The following GLIS3 variants were observed in gnomAD, a reference collection of about 807,000 sequenced individuals.
GLIS3 encodes zinc finger protein GLIS3.
Under a neutral mutation model 78.6 loss-of-function variants are expected in GLIS3, and 53 were observed. The ratio of observed to expected loss-of-function variants is 0.67; its 90% CI spans 0.54 to 0.85. The LOEUF (loss-of-function observed/expected upper bound fraction) is 0.85. GLIS3 is among the 40% of genes least tolerant of loss of function. The pLI, the probability that GLIS3 is intolerant of heterozygous loss-of-function variation, is 0.00. For missense variants in GLIS3, 1,703 were observed against 1,231.1 expected (o/e 1.38, Z -5.74); for synonymous variants, 684 against 509.9 (o/e 1.34, Z -4.60).
At chr9:4,226,249 C>T (rs1236127749) in intron 2 of GLIS3, among the ~76,000 whole-genome samples, 2 of 152,102 alleles carry the variant, frequency 1.3e-5, no homozygotes, top group African/African-American at 4.8e-5. Flanking sequence ...TGACCTCTTG[C>T]TTGGTTAATT....
intron 4 of GLIS3, among the ~76,000 whole-genome samples, chr9:4,005,844 A>C (rs1039515652): frequency 6.6e-6 from 1 of 152,214 alleles, no homozygotes; most frequent in Admixed American, 6.5e-5. Flanking sequence ...AGAATGAAAA[A>C]ACATTTGTTA....
chr9:3,850,022 AT>A (rs1193524869), intron 9 of GLIS3, among the ~76,000 whole-genome samples: 1 of 152,234 alleles, frequency 6.6e-6, no homozygotes, highest in Non-Finnish European at 1.5e-5. Flanking sequence ...CTCTGCACAA[AT>A]GTGTATTAAA....
the GLIS3 span, among the ~76,000 whole-genome samples, chr9:4,486,782 T>C: frequency 1.3e-5 from 2 of 152,164 alleles, no homozygotes; most frequent in Non-Finnish European, 2.9e-5. Flanking sequence ...CTCAAACTCC[T>C]GGGCTCAAGC....
At position 4,200,270 on chromosome 9, in the gene GLIS3, C is replaced by A. The variant is rs770983818; in HGVS notation, c.389-74329G>T. The stretch of plus-strand genomic sequence containing the variant: ...CTAGAGAAACAAGAACAAACTAACT[C>A]CAGAGCTAGCAGAAGAAAATAAATA... On this transcript the variant is annotated intron_variant, in intron 2 of 10. Transcript: ENST00000381971. Among the ~76,000 whole-genome samples the A allele has an allele frequency of 5.9e-5, 9 of 151,898 alleles. 1 individual carries two copies. Among genetic ancestry groups the A allele is most frequent in the Non-Finnish European group, 2.9e-5 (2 of 67,984 alleles).
intron 2 of GLIS3, among the ~76,000 whole-genome samples, chr9:4,277,829 G>A (rs552806596): frequency 6.6e-6 from 1 of 152,196 alleles, no homozygotes; most frequent in Non-Finnish European, 1.5e-5. Flanking sequence ...TGTGAAAAAT[G>A]CATTTCTACG....
chr9:4,036,473 G>A (rs973775639), intron 4 of GLIS3, among the ~76,000 whole-genome samples: 4 of 152,132 alleles, frequency 2.6e-5, no homozygotes, highest in Non-Finnish European at 4.4e-5. Flanking sequence ...CAAGACTCCT[G>A]TTGTGAAAGA....
At chr9:4,253,312 G>C (rs984254902) in intron 2 of GLIS3, among the ~76,000 whole-genome samples, 5 of 152,248 alleles carry the variant, frequency 3.3e-5, no homozygotes, top group East Asian at 3.8e-4. Flanking sequence ...TACCCAGAGA[G>C]GGGGAATCTA....
chr9:3,847,165 C>T (rs1000343591), intron 9 of GLIS3, among the ~76,000 whole-genome samples: 13 of 152,030 alleles, frequency 8.6e-5, no homozygotes, highest in Admixed American at 2.6e-4. Context: ...GCCTGGGCGA[C>T]AGAATGAGAC....
At chr9:4,336,778 G>C (rs1328544071) in intron 2 of GLIS3, among the ~76,000 whole-genome samples, 1 of 152,098 alleles carries the variant, frequency 6.6e-6, no homozygotes, top group Non-Finnish European at 1.5e-5. Context: ...CCTTTAGTTG[G>C]CAAGTTTTTA....
intron 4 of GLIS3, among the ~76,000 whole-genome samples, chr9:4,082,783 C>T (rs554772084): frequency 6.6e-6 from 1 of 152,310 alleles, no homozygotes; most frequent in Admixed American, 6.5e-5. Context: ...TCTGGAAACA[C>T]AATTTTGTCA....
intron 4 of GLIS3, among the ~76,000 whole-genome samples, chr9:4,024,075 G>C (rs1270225206): frequency 2.0e-5 from 3 of 151,902 alleles, no homozygotes; most frequent in Non-Finnish European, 4.4e-5. Flanking sequence ...CAGGTGGTTT[G>C]AGAGGCAGAG....
chr9:3,893,695 A>G (rs1160261228), intron 7 of GLIS3, among the ~76,000 whole-genome samples: 1 of 152,218 alleles, frequency 6.6e-6, no homozygotes, highest in Non-Finnish European at 1.5e-5. Context: ...AAAACATTTG[A>G]CCAGCAGCAG....
At chr9:4,221,007 G>T (rs970182419) in intron 2 of GLIS3, among the ~76,000 whole-genome samples, 6 of 152,038 alleles carry the variant, frequency 3.9e-5, no homozygotes, top group Non-Finnish European at 7.4e-5. Context: ...TAATTAATAA[G>T]TGTTTCTCTG....
In GLIS3 at chr9:4,215,934, A is replaced by C. The variant is rs978426606; in HGVS notation, c.388+70104T>G. On this transcript the variant is annotated intron_variant, in intron 2 of 10. Coordinates refer to ENST00000381971, the MANE Select transcript of GLIS3 (RefSeq NM_001042413.2). ...GACATTTAAGAATTTAAAACTAAAAAAGCTGATTCTAATGAAATTATTAAT... is the reference window on the plus strand; with the variant it reads ...GACATTTAAGAATTTAAAACTAAAACAGCTGATTCTAATGAAATTATTAAT... Among the ~76,000 whole-genome samples, 48 of 152,160 alleles carry C rather than the reference A, an allele frequency of 3.2e-4. 1 individual carries two copies. Among genetic ancestry groups the C allele is most frequent in the Non-Finnish European group, 2.2e-4 (15 of 68,034 alleles).
intron 4 of GLIS3, among the ~76,000 whole-genome samples, chr9:4,088,623 T>C (rs980902846): frequency 2.0e-5 from 3 of 152,240 alleles, no homozygotes; most frequent in African/African-American, 7.2e-5. Flanking sequence ...CTTCAATAAA[T>C]ATTTACTGAG....
chr9:4,209,173 C>T (rs1820154912), intron 2 of GLIS3, among the ~76,000 whole-genome samples: 1 of 152,066 alleles, frequency 6.6e-6, no homozygotes, highest in African/African-American at 2.4e-5. Flanking sequence ...CTGATCTAAC[C>T]CAACCCCCTC....
At chr9:4,103,379 G>C (rs1449202263) in intron 4 of GLIS3, among the ~76,000 whole-genome samples, 1 of 152,022 alleles carries the variant, frequency 6.6e-6, no homozygotes, top group Non-Finnish European at 1.5e-5. Context: ...ATACCATGGA[G>C]ACATTACCAG....
At chr9:3,881,802 G>C (rs781724782) in intron 7 of GLIS3, among the ~76,000 whole-genome samples, 1 of 152,134 alleles carries the variant, frequency 6.6e-6, no homozygotes, top group Non-Finnish European at 1.5e-5. Context: ...GAAGGGAGCA[G>C]ACCTCTATAT....
At chr9:4,468,450 T>C in the GLIS3 span, among the ~76,000 whole-genome samples, 1 of 152,182 alleles carries the variant, frequency 6.6e-6, no homozygotes, top group East Asian at 1.9e-4. Context: ...GCAGAAACTC[T>C]ACAAGCCAGA....
Sources: gnomAD v4.1 joint callset for allele counts (sites outside exome capture counted in the v4.1 genomes callset) on GRCh38, gnomAD v4.1.1 for gene constraint, MANE v1.5 for transcripts, NCBI Gene and HGNC (gene_info 2026-07-23, HGNC 2026-07-21) for gene names.